Variants in MYH11 observed in about 807,000 individuals in gnomAD.
The protein encoded by MYH11 is myosin-11.
MYH11 carries 80 observed loss-of-function variants against 246.6 expected under a neutral mutation model. That is an observed-to-expected ratio of 0.32 (90% CI 0.27 to 0.39). MYH11 has a LOEUF of 0.39. MYH11 is among the 10% of genes least tolerant of loss of function. The probability of loss-of-function intolerance (pLI) is 1.00; values close to 1 mark genes in which losing one functional copy is unlikely to be tolerated. For synonymous variants in MYH11, 1,071 were observed against 1,015.5 expected (o/e 1.05, Z -1.04); for missense variants, 2,158 against 2,546.8 (o/e 0.85, Z 3.29).
intron 40 of MYH11, among the ~76,000 whole-genome samples, chr16:15,709,831 G>C (rs529106434): frequency 1.8e-4 from 28 of 152,222 alleles, no homozygotes; most frequent in African/African-American, 5.8e-4. Context: ...ATTAGCTTTC[G>C]GGCCTCTAGC....
intron 23 of MYH11, 70 bp from the exon 24 acceptor site, chr16:15,738,758 G>C: frequency 6.4e-7 from 1 of 1,556,536 alleles, no homozygotes; most frequent in Admixed American, 1.7e-5. Context: ...TTCACTTTTA[G>C]TGATTTCCAT....
At chr16:15,777,153 C>T (rs543685703) in intron 7 of MYH11, among the ~76,000 whole-genome samples, 6 of 152,036 alleles carry the variant, frequency 3.9e-5, no homozygotes, top group Middle Eastern at 3.4e-3. Context: ...GCCAGAGTCT[C>T]GCTCTGTCAC....
At chr16:15,762,353 T>C (rs2041887240) in intron 10 of MYH11, among the ~76,000 whole-genome samples, 1 of 152,206 alleles carries the variant, frequency 6.6e-6, no homozygotes, top group Non-Finnish European at 1.5e-5. Flanking sequence ...ACTGCCTTTG[T>C]AGGAATAACA....
At chr16:15,775,612 G>A (rs2151295692) in intron 8 of MYH11, among the ~76,000 whole-genome samples, 1 of 152,292 alleles carries the variant, frequency 6.6e-6, no homozygotes, top group Middle Eastern at 3.4e-3. Flanking sequence ...AAAAAGTCTT[G>A]ACCCCTGTTC....
At chr16:15,812,771 G>A (rs1026366139) in intron 3 of MYH11, among the ~76,000 whole-genome samples, 1 of 152,066 alleles carries the variant, frequency 6.6e-6, no homozygotes, top group African/African-American at 2.4e-5. Context: ...TACTTGGGGA[G>A]CTGAGGTGAG....
chr16:15,754,433 G>C (rs2041659369), intron 14 of MYH11, among the ~76,000 whole-genome samples: 1 of 152,100 alleles, frequency 6.6e-6, no homozygotes, highest in Non-Finnish European at 1.5e-5. Flanking sequence ...GCTTTGCTGG[G>C]TTATCATGGG....
intron 13 of MYH11, among the ~76,000 whole-genome samples, chr16:15,757,097 C>T (rs1442308763): frequency 6.6e-6 from 1 of 151,898 alleles, no homozygotes; most frequent in Non-Finnish European, 1.5e-5. Context: ...CGCGCCCGGC[C>T]GAGTTCATAA....
At chr16:15,744,623 C>T (rs1229964807) in intron 20 of MYH11, among the ~76,000 whole-genome samples, 3 of 152,160 alleles carry the variant, frequency 2.0e-5, no homozygotes, top group Non-Finnish European at 2.9e-5. Flanking sequence ...CTGCCTTAGC[C>T]TCCTGAGTAT....
chr16:15,832,563 T>C (rs1455016169), intron 2 of MYH11, among the ~76,000 whole-genome samples: 1 of 152,228 alleles, frequency 6.6e-6, no homozygotes, highest in Non-Finnish European at 1.5e-5. Flanking sequence ...TTTCGAGCAA[T>C]GCCAGAAACA....
chr16:15,810,892 G>A (rs1056495279), intron 3 of MYH11, among the ~76,000 whole-genome samples: 11 of 152,166 alleles, frequency 7.2e-5, no homozygotes, highest in African/African-American at 2.7e-4. Context: ...CTAGGGAAGA[G>A]GTTATAGACA....
Position 15,721,202 on chromosome 16 carries a change from T to G in MYH11, c.4579-151A>C. 3 of 982,580 alleles carry G rather than the reference T, an allele frequency of 3.1e-6. No homozygotes were observed. The East Asian group carries it at 7.8e-5, about 26-fold the overall frequency. 60.9% of individuals were successfully genotyped at this position (982,580 alleles called of 1,614,324 possible). A position where few individuals can be genotyped will look rare whatever the true frequency, so the allele number is the denominator to read the frequency against. On this transcript the variant is annotated intron_variant, in intron 32 of 40. Transcript: ENST00000300036. ...CGGGACTCAAGATGACCCCTGAGAG[T>G]TCAGACCCCAGCCTTATCCTCGGAC...
intron 2 of MYH11, among the ~76,000 whole-genome samples, chr16:15,830,605 G>A (rs2151373819): frequency 6.6e-6 from 1 of 152,162 alleles, no homozygotes; most frequent in African/African-American, 2.4e-5. Flanking sequence ...AGGCTGGATG[G>A]AGCAGCTCAC....
chr16:15,784,792 T>A (rs1035347386), intron 5 of MYH11: 12 of 1,566,152 alleles, frequency 7.7e-6, no homozygotes, highest in African/African-American at 1.4e-5. Flanking sequence ...GGCTGGAGAA[T>A]ATATGACTTT....
intron 12 of MYH11, 70 bp downstream of exon 12, chr16:15,759,506 T>G: frequency 6.2e-7 from 1 of 1,606,586 alleles, no homozygotes; most frequent in Non-Finnish European, 8.5e-7. Context: ...TCCAAAATCA[T>G]GACTCCTCCA....
intron 25 of MYH11, among the ~76,000 whole-genome samples, chr16:15,736,132 T>A: frequency 6.6e-6 from 1 of 152,290 alleles, no homozygotes; most frequent in South Asian, 2.1e-4. Flanking sequence ...AGCACTTTGA[T>A]TTTACTGTAC....
At chr16:15,763,741 T>TGGGGGCCC in intron 10 of MYH11, 55 bp downstream of exon 10, 10 of 646,832 alleles carry the variant, frequency 1.5e-5, no homozygotes, top group African/African-American at 4.3e-5. Flanking sequence ...AAATGTCACC[T>TGGGGGCCC]CCCCCACCCC....
At chr16:15,778,873 T>C (rs2042284440) in intron 6 of MYH11, 30 bp from the exon 7 acceptor site, 2 of 1,611,738 alleles carry the variant, frequency 1.2e-6, no homozygotes, top group African/African-American at 2.7e-5. Context: ...GTTCAGGCTT[T>C]GCTGCCCAAC....
At chr16:15,718,176 C>A in intron 37 of MYH11, 139 bp downstream of exon 37, 1 of 1,372,474 alleles carries the variant, frequency 7.3e-7, no homozygotes, top group Non-Finnish European at 1.0e-6. Context: ...TGGATCTCTA[C>A]TCTCAGGCCC....
chr16:15,760,821 T>G (rs1471000242), intron 10 of MYH11, among the ~76,000 whole-genome samples, 163 bp from the exon 11 acceptor site: 1 of 152,182 alleles, frequency 6.6e-6, no homozygotes, highest in Non-Finnish European at 1.5e-5. Context: ...AAGGCTGCTG[T>G]CATTAGTGGT....
Sources: gnomAD v4.1 joint callset for allele counts (sites outside exome capture counted in the v4.1 genomes callset) on GRCh38, gnomAD v4.1.1 for gene constraint, MANE v1.5 for transcripts, NCBI Gene and HGNC (gene_info 2026-07-23, HGNC 2026-07-21) for gene names.